The following TAFA2 variants were observed in gnomAD, a reference collection of about 807,000 sequenced individuals.
The protein encoded by TAFA2 is TAFA chemokine like family member 2.
A neutral mutation model predicts 18.8 loss-of-function variants in TAFA2; 7 were observed. The ratio of observed to expected loss-of-function variants is 0.37; its 90% CI spans 0.21 to 0.70. The LOEUF is 0.70. Ranked by LOEUF, TAFA2 falls within the 30% of genes least tolerant of loss-of-function variation. The pLI is 0.53. For missense variants in TAFA2, 122 were observed against 158.1 expected, an observed-to-expected ratio of 0.77 and a Z score of 1.23; for synonymous variants, 60 against 54.2, an observed-to-expected ratio of 1.11 and a Z score of -0.47.
At chr12:61,813,539 TC>T (rs1410994716) in intron 2 of TAFA2, among the ~76,000 whole-genome samples, 1 of 151,392 alleles carries the variant, frequency 6.6e-6, no homozygotes, top group African/African-American at 2.5e-5. Context: ...TAAAAGATTT[TC>T]CCAATAACAA....
chr12:61,868,670 T>C (rs1379641857), intron 1 of TAFA2, among the ~76,000 whole-genome samples: 1 of 152,186 alleles, frequency 6.6e-6, no homozygotes, highest in Non-Finnish European at 1.5e-5. Context: ...CTTGACATTT[T>C]TTCATGTATG....
intron 4 of TAFA2, among the ~76,000 whole-genome samples, chr12:61,711,972 C>T (rs1869431052): frequency 6.6e-6 from 1 of 151,906 alleles, no homozygotes; most frequent in African/African-American, 2.4e-5. Flanking sequence ...CTGTGAAGGG[C>T]TCCCAAATTG....
chr12:61,901,057 T>G (rs1454681218), intron 1 of TAFA2, among the ~76,000 whole-genome samples: 2 of 152,210 alleles, frequency 1.3e-5, no homozygotes, highest in Non-Finnish European at 2.9e-5. Flanking sequence ...TACAGGTATG[T>G]TGGAATCTCT....
At chr12:62,174,793 G>A (rs532801067) in intron 1 of TAFA2, among the ~76,000 whole-genome samples, 51 of 152,140 alleles carry the variant, frequency 3.4e-4, no homozygotes, top group African/African-American at 1.2e-3. Context: ...TTTTGAATAC[G>A]AATATTTCTC....
intron 1 of TAFA2, among the ~76,000 whole-genome samples, chr12:62,117,439 A>C (rs1220312403): frequency 6.6e-6 from 1 of 152,206 alleles, no homozygotes; most frequent in African/African-American, 2.4e-5. Flanking sequence ...ACTATGTTTT[A>C]GTAAATTAGA....
At chr12:61,775,583 T>C (rs1175741684) in intron 2 of TAFA2, among the ~76,000 whole-genome samples, 1 of 151,844 alleles carries the variant, frequency 6.6e-6, no homozygotes. Context: ...TATATGCTTT[T>C]CTGGAAAAGG....
intron 4 of TAFA2, among the ~76,000 whole-genome samples, chr12:61,738,121 T>C (rs1868337281): frequency 6.6e-6 from 1 of 152,028 alleles, no homozygotes. Flanking sequence ...TTCTACTTGG[T>C]GTTTTGTGAT....
At chr12:61,726,750 G>T (rs1870185904) in intron 4 of TAFA2, among the ~76,000 whole-genome samples, 1 of 151,332 alleles carries the variant, frequency 6.6e-6, no homozygotes, top group South Asian at 2.1e-4. Flanking sequence ...GATTGCTCTG[G>T]CTAGGACTAT....
intron 1 of TAFA2, among the ~76,000 whole-genome samples, chr12:62,036,275 A>G (rs1881609839): frequency 6.6e-6 from 1 of 152,218 alleles, no homozygotes; most frequent in Admixed American, 6.5e-5. Flanking sequence ...TCTGCCAGCA[A>G]TAAGAAAACA....
At chr12:61,760,871 C>CAAA (rs375369002) in intron 2 of TAFA2, among the ~76,000 whole-genome samples, 3,512 of 120,898 alleles carry the variant, frequency 0.029, 140 homozygotes, top group African/African-American at 0.099. Context: ...CCCAAGTCAC[C>CAAA]AAAAAAAAAA....
intron 2 of TAFA2, among the ~76,000 whole-genome samples, chr12:61,840,717 A>C (rs1399336150): frequency 4.6e-5 from 7 of 152,074 alleles, no homozygotes; most frequent in Admixed American, 3.9e-4. Flanking sequence ...AGCCTATTAA[A>C]GGAACAACGA....
intron 1 of TAFA2, among the ~76,000 whole-genome samples, chr12:61,918,497 T>G (rs1450712437): frequency 1.3e-5 from 2 of 152,192 alleles, no homozygotes; most frequent in Non-Finnish European, 2.9e-5. Flanking sequence ...TCTCATTATT[T>G]CTTATGACTG....
At chr12:62,206,641 C>T (rs2062692778) in intron 1 of TAFA2, among the ~76,000 whole-genome samples, 2 of 152,042 alleles carry the variant, frequency 1.3e-5, no homozygotes, top group Admixed American at 1.3e-4. Context: ...GAGCCTCCTG[C>T]CTCATTTTTT....
At chr12:61,990,621 G>A (rs1565707674) in intron 1 of TAFA2, among the ~76,000 whole-genome samples, 1 of 39,952 alleles carries the variant, frequency 2.5e-5, no homozygotes, top group Non-Finnish European at 6.2e-5. Context: ...TTACAGGCAT[G>A]AGCGCCCGGC....
At chr12:61,791,700 T>A (rs1592391253) in intron 2 of TAFA2, among the ~76,000 whole-genome samples, 1 of 151,682 alleles carries the variant, frequency 6.6e-6, no homozygotes, top group African/African-American at 2.4e-5. Context: ...ATGGCTGTTA[T>A]CAAACAGACA....
intron 1 of TAFA2, among the ~76,000 whole-genome samples, chr12:62,083,377 G>T (rs1186121438): frequency 2.0e-5 from 3 of 151,922 alleles, no homozygotes; most frequent in Non-Finnish European, 4.4e-5. Context: ...GAGTAAAGGA[G>T]TTTCCAAAAA....
At chr12:61,998,471 C>T (rs1880274242) in intron 1 of TAFA2, among the ~76,000 whole-genome samples, 1 of 152,166 alleles carries the variant, frequency 6.6e-6, no homozygotes, top group African/African-American at 2.4e-5. Flanking sequence ...TATCTTTCCC[C>T]TCTTTAACCA....
intron 1 of TAFA2, among the ~76,000 whole-genome samples, chr12:62,050,633 T>A (rs775841085): frequency 1.3e-5 from 2 of 151,822 alleles, no homozygotes; most frequent in Non-Finnish European, 2.9e-5. Context: ...TAACAAATGG[T>A]CATATCTATA....
intron 1 of TAFA2, among the ~76,000 whole-genome samples, chr12:62,223,176 A>C (rs1483323694): frequency 6.6e-6 from 1 of 152,104 alleles, no homozygotes; most frequent in African/African-American, 2.4e-5. Flanking sequence ...TATATGATCA[A>C]ATGATTTATT....
Sources: allele counts gnomAD v4.1 joint callset (sites outside exome capture counted in the v4.1 genomes callset), GRCh38; gene constraint gnomAD v4.1.1; transcripts MANE v1.5; gene names NCBI Gene and HGNC (gene_info 2026-07-23, HGNC 2026-07-21).